MYRIP: variants seen among roughly 807,000 people sequenced by gnomAD.
MYRIP encodes rab effector MyRIP.
MYRIP carries 49 observed loss-of-function variants against 98.0 expected under a neutral mutation model. The observed-to-expected ratio is 0.50, with a 90% CI of 0.40 to 0.63. The LOEUF (loss-of-function observed/expected upper bound fraction) is 0.63, where lower values mean the gene tolerates loss of function less well. Ranked by LOEUF, MYRIP falls within the 30% of genes least tolerant of loss-of-function variation. MYRIP has a pLI of 0.00. For synonymous variants in MYRIP, 404 were observed against 409.5 expected (o/e 0.99, Z 0.16); for missense variants, 1,004 against 1,058.2 (o/e 0.95, Z 0.71).
intron 3 of MYRIP, among the ~76,000 whole-genome samples, chr3:40,125,918 C>CT (rs1404441800): frequency 1.3e-5 from 2 of 152,178 alleles, no homozygotes; most frequent in African/African-American, 4.8e-5. Context: ...CAGTGACATA[C>CT]TCAGGGGTCC....
In MYRIP at chr3:39,873,905, A is replaced by G. The variant is rs186578908; in HGVS notation, c.-30-26882A>G. Among the ~76,000 whole-genome samples, 4 of 152,204 alleles carry G rather than the reference A, an allele frequency of 2.6e-5. No individual in the cohort carries two copies. In the South Asian group the frequency reaches 8.3e-4, roughly 32 times the overall value. On this transcript the variant is annotated intron_variant, in intron 1 of 16. Transcript: ENST00000302541. Reference sequence around the variant, plus strand: ...GCATTGGTAGCTTGATGGGAATGGCATTGAATCTGTAAATTACCTTGGGCA... The same window carrying G: ...GCATTGGTAGCTTGATGGGAATGGCGTTGAATCTGTAAATTACCTTGGGCA...
chr3:39,978,828 T>G lies in MYRIP; in HGVS notation c.111-65222T>G, dbSNP rs1003275005. ...ATGTGTTTTACTGGACTTTGTTTTTTTTTTTTTTAAATGTCACCAGAATAT... is the reference window on the plus strand; with the variant it reads ...ATGTGTTTTACTGGACTTTGTTTTTGTTTTTTTTAAATGTCACCAGAATAT... On this transcript the variant is annotated intron_variant, in intron 2 of 16. Coordinates refer to ENST00000302541, the MANE Select transcript of MYRIP (RefSeq NM_015460.4). Among the ~76,000 whole-genome samples, 5 of 152,032 alleles carry G rather than the reference T, an allele frequency of 3.3e-5. 1 individual carries two copies. The highest frequency in any genetic ancestry group is 1.2e-4 in the African/African-American group (5 of 41,316).
Position 39,964,435 on chromosome 3 carries a change from G to A in MYRIP, c.110+63509G>A, listed in dbSNP as rs117403136. 6.1e-4 allele frequency among the ~76,000 whole-genome samples: 93 copies of A among 152,240 alleles called. 1 individual carries two copies. In the East Asian group the frequency reaches 0.015, roughly 25 times the overall value. On this transcript the variant is annotated intron_variant, in intron 2 of 16. Transcript: ENST00000302541. ...TTGTGTTTGTTATTAGAGCCTGAAC[G>A]TGAGAAGAAATCACTTCTCTGCTCT...
intron 16 of MYRIP, among the ~76,000 whole-genome samples, chr3:40,256,541 A>AAT (rs1344153744): frequency 6.6e-6 from 1 of 152,120 alleles, no homozygotes; most frequent in Non-Finnish European, 1.5e-5. Context: ...TGAAAAAAAA[A>AAT]ATATTTTGTA....
intron 1 of MYRIP, among the ~76,000 whole-genome samples, chr3:39,840,711 C>G (rs1251803650): frequency 6.6e-6 from 1 of 152,280 alleles, no homozygotes; most frequent in South Asian, 2.1e-4. Flanking sequence ...TATTTCTCCT[C>G]CACTTATGAA....
intron 4 of MYRIP, among the ~76,000 whole-genome samples, chr3:40,161,429 C>T (rs971268280): frequency 5.3e-5 from 8 of 152,124 alleles, no homozygotes; most frequent in African/African-American, 1.9e-4. Flanking sequence ...TCTCAGCAGG[C>T]AACCTCAAAT....
intron 2 of MYRIP, among the ~76,000 whole-genome samples, chr3:39,972,831 G>C (rs1210638756): frequency 6.6e-6 from 1 of 151,010 alleles, no homozygotes; most frequent in African/African-American, 2.4e-5. Flanking sequence ...AGGGTACATT[G>C]ACGGGCTTCT....
intron 1 of MYRIP, among the ~76,000 whole-genome samples, chr3:39,832,866 A>T (rs1941492995): frequency 6.6e-6 from 1 of 152,206 alleles, no homozygotes; most frequent in Admixed American, 6.5e-5. Flanking sequence ...CCTTAGACCC[A>T]GTCATCTTAT....
At chr3:40,140,999 C>T (rs1216201117) in intron 3 of MYRIP, among the ~76,000 whole-genome samples, 1 of 152,108 alleles carries the variant, frequency 6.6e-6, no homozygotes, top group East Asian at 1.9e-4. Context: ...AATACTGGGT[C>T]TTATCCATTC....
At chr3:40,109,931 C>T (rs895679676) in intron 3 of MYRIP, among the ~76,000 whole-genome samples, 1 of 152,236 alleles carries the variant, frequency 6.6e-6, no homozygotes, top group Admixed American at 6.5e-5. Context: ...GTCCTCAATG[C>T]CCAGCATCAA....
chr3:39,876,972 G>T (rs1031068355), intron 1 of MYRIP, among the ~76,000 whole-genome samples: 1 of 152,178 alleles, frequency 6.6e-6, no homozygotes, highest in African/African-American at 2.4e-5. Context: ...GTCGCTTTCA[G>T]GTACACCAAT....
chr3:39,957,155 G>A (rs1302881931), intron 2 of MYRIP, among the ~76,000 whole-genome samples: 2 of 151,776 alleles, frequency 1.3e-5, no homozygotes, highest in Non-Finnish European at 2.9e-5. Context: ...TAGAAAAAGA[G>A]GGAATCCTCC....
intron 2 of MYRIP, among the ~76,000 whole-genome samples, chr3:40,032,792 T>G (rs991206817): frequency 2.0e-5 from 3 of 152,074 alleles, no homozygotes; most frequent in Non-Finnish European, 4.4e-5. Context: ...ACCAATATCC[T>G]TGATGAAAAT....
intron 3 of MYRIP, among the ~76,000 whole-genome samples, chr3:40,060,904 A>C (rs981202553): frequency 6.6e-6 from 1 of 152,108 alleles, no homozygotes; most frequent in East Asian, 1.9e-4. Context: ...AGATATTTTT[A>C]TATTAAAGAA....
At chr3:39,921,676 C>T (rs1263536758) in intron 2 of MYRIP, among the ~76,000 whole-genome samples, 1 of 151,850 alleles carries the variant, frequency 6.6e-6, no homozygotes, top group Non-Finnish European at 1.5e-5. Context: ...AGGTCAGGAG[C>T]TCAAGACCAG....
intron 2 of MYRIP, among the ~76,000 whole-genome samples, chr3:40,020,088 C>T (rs1946955669): frequency 6.6e-6 from 1 of 152,158 alleles, no homozygotes; most frequent in African/African-American, 2.4e-5. Context: ...TAATCCCCAT[C>T]ACTCAGATAG....
intron 2 of MYRIP, among the ~76,000 whole-genome samples, chr3:39,911,308 A>C (rs950111122): frequency 6.6e-6 from 1 of 152,142 alleles, no homozygotes; most frequent in African/African-American, 2.4e-5. Context: ...AATCATGCTG[A>C]TGCTCTTATT....
intron 9 of MYRIP, among the ~76,000 whole-genome samples, chr3:40,183,505 A>C (rs950959931): frequency 6.6e-6 from 1 of 152,200 alleles, no homozygotes; most frequent in African/African-American, 2.4e-5. Context: ...TCATTTTCCT[A>C]AAGTCTCACA....
chr3:40,087,736 G>A (rs988538645), intron 3 of MYRIP, among the ~76,000 whole-genome samples: 2 of 152,224 alleles, frequency 1.3e-5, no homozygotes, highest in Admixed American at 6.5e-5. Flanking sequence ...TGCACACAGA[G>A]AGCTCTCTGG....
Sources: gnomAD v4.1 joint callset for allele counts (sites outside exome capture counted in the v4.1 genomes callset) on GRCh38, gnomAD v4.1.1 for gene constraint, MANE v1.5 for transcripts, NCBI Gene and HGNC (gene_info 2026-07-23, HGNC 2026-07-21) for gene names.